CDH12: variants seen among roughly 807,000 people sequenced by gnomAD.
The protein encoded by CDH12 is cadherin-12.
In CDH12, 41 loss-of-function variants were observed where a neutral mutation model predicts 74.1. The ratio of observed to expected loss-of-function variants is 0.55; its 90% confidence interval spans 0.43 to 0.72. The LOEUF (loss-of-function observed/expected upper bound fraction) is 0.72, where lower values mean the gene tolerates loss of function less well. CDH12 is among the 30% of genes least tolerant of loss of function. The pLI, the probability that CDH12 is intolerant of heterozygous loss-of-function variation, is 0.00. For missense variants in CDH12, 945 were observed against 977.2 expected, an observed-to-expected ratio of 0.97 and a Z score of 0.44; for synonymous variants, 399 against 355.0, an observed-to-expected ratio of 1.12 and a Z score of -1.39.
chr5:22,377,469 GT>G (rs1312453628), intron 3 of CDH12, among the ~76,000 whole-genome samples: 1 of 152,160 alleles, frequency 6.6e-6, no homozygotes, highest in Non-Finnish European at 1.5e-5. Flanking sequence ...TGAGGGCCAA[GT>G]GTGTCCTCAT....
chr5:22,078,147 T>C (rs1463683531), intron 5 of CDH12, among the ~76,000 whole-genome samples: 2 of 152,190 alleles, frequency 1.3e-5, no homozygotes, highest in Admixed American at 1.3e-4. Context: ...GTTATAATTA[T>C]GCTTAATAAC....
intron 1 of CDH12, among the ~76,000 whole-genome samples, chr5:22,629,419 T>A (rs997317412): frequency 1.3e-5 from 2 of 152,084 alleles, no homozygotes; most frequent in African/African-American, 4.8e-5. Context: ...CCACCTAGAT[T>A]AAGTAGGCTT....
chr5:22,739,552 T>A (rs1206496110), intron 1 of CDH12, among the ~76,000 whole-genome samples: 1 of 152,100 alleles, frequency 6.6e-6, no homozygotes, highest in Non-Finnish European at 1.5e-5. Flanking sequence ...TCTACCTTAT[T>A]GTTGTTTTGT....
In CDH12 at chr5:22,245,578, T is replaced by A. The variant is rs143363523; in HGVS notation, c.-332-32935A>T. ...GTACAAGGACGAGAGTTTAAAAAAA[T>A]TAATACCTTGAATGTAAGAACTACA... On this transcript the variant is annotated intron_variant, in intron 3 of 14. Coordinates refer to ENST00000382254, the MANE Select transcript of CDH12 (RefSeq NM_004061.5). Among the ~76,000 whole-genome samples, 1,287 of 152,074 alleles carry A rather than the reference T, an allele frequency of 8.5e-3. 15 individuals are homozygous for A. Among genetic ancestry groups the A allele is most frequent in the African/African-American group, 0.029 (1,214 of 41,472 alleles).
At chr5:22,778,887 A>C (rs941115489) in intron 1 of CDH12, among the ~76,000 whole-genome samples, 2 of 152,044 alleles carry the variant, frequency 1.3e-5, no homozygotes, top group Non-Finnish European at 2.9e-5. Context: ...TATGTCTTTC[A>C]ACTGTTGAGT....
chr5:21,944,546 A>G (rs1755482417), intron 6 of CDH12, among the ~76,000 whole-genome samples: 1 of 152,172 alleles, frequency 6.6e-6, no homozygotes, highest in African/African-American at 2.4e-5. Flanking sequence ...AATAATTAAT[A>G]TAATGTCTCA....
At chr5:22,498,384 C>G (rs909363428) in intron 2 of CDH12, among the ~76,000 whole-genome samples, 1 of 152,044 alleles carries the variant, frequency 6.6e-6, no homozygotes, top group Non-Finnish European at 1.5e-5. Flanking sequence ...AATTTATCCA[C>G]AACCCAGAGA....
intron 1 of CDH12, among the ~76,000 whole-genome samples, chr5:22,819,988 CATATACATATATATACATATACATAT>C (rs1554005927): frequency 7.7e-5 from 11 of 142,586 alleles, no homozygotes; most frequent in South Asian, 2.2e-4. Context: ...CATATATATA[CATATACATATATATACATATACATAT>C]ATATACATAT....
intron 7 of CDH12, among the ~76,000 whole-genome samples, chr5:21,852,855 C>T (rs1750545213): frequency 1.3e-5 from 2 of 151,346 alleles, no homozygotes; most frequent in African/African-American, 2.4e-5. Flanking sequence ...ACAGCATTGT[C>T]CATACTTCCA....
At chr5:22,788,268 T>C (rs1747739150) in intron 1 of CDH12, among the ~76,000 whole-genome samples, 1 of 152,148 alleles carries the variant, frequency 6.6e-6, no homozygotes, top group African/African-American at 2.4e-5. Flanking sequence ...TGTTACCTTC[T>C]AAGTTTATTT....
intron 5 of CDH12, among the ~76,000 whole-genome samples, chr5:22,020,700 C>A (rs1024674003): frequency 1.3e-5 from 2 of 152,100 alleles, no homozygotes; most frequent in South Asian, 4.1e-4. Context: ...GAAAGAAAAA[C>A]CTCTCTTTCT....
intron 1 of CDH12, among the ~76,000 whole-genome samples, chr5:22,836,223 C>CTTTTTTTTTTTT (rs61616737): frequency 0.35 from 22,856 of 65,144 alleles, 7,209 homozygotes; most frequent in South Asian, 0.4. Flanking sequence ...CTTTCTTTCT[C>CTTTTTTTTTTTT]TTTTTTTTTT....
chr5:22,722,981 G>A (rs1743976067), intron 1 of CDH12, among the ~76,000 whole-genome samples: 3 of 152,056 alleles, frequency 2.0e-5, no homozygotes, highest in Non-Finnish European at 4.4e-5. Context: ...TTTCACTGGA[G>A]GCATTCCTTT....
Position 21,913,010 on chromosome 5 carries a change from T to A in CDH12, c.527-58220A>T, listed in dbSNP as rs562813290. 3.9e-5 allele frequency among the ~76,000 whole-genome samples: 6 copies of A among 152,166 alleles called. No individual in the cohort carries two copies. The South Asian group carries it at 1.2e-3, about 32-fold the overall frequency. On this transcript the variant is annotated intron_variant, in intron 6 of 14. Coordinates refer to ENST00000382254, the MANE Select transcript of CDH12 (RefSeq NM_004061.5). Reference sequence around the variant, plus strand: ...GGCGTGTGCCACAACACTGGGCTAATTTTTGTATTTTTAGTAGATATGGGA... The same window carrying A: ...GGCGTGTGCCACAACACTGGGCTAAATTTTGTATTTTTAGTAGATATGGGA...
intron 1 of CDH12, among the ~76,000 whole-genome samples, chr5:22,649,291 C>A (rs1337013145): frequency 6.6e-6 from 1 of 152,000 alleles, no homozygotes; most frequent in East Asian, 1.9e-4. Flanking sequence ...CCTTACTTTT[C>A]CTTTTGTGAA....
intron 4 of CDH12, among the ~76,000 whole-genome samples, chr5:22,180,496 TTG>T (rs2150337081): frequency 3.0e-5 from 2 of 66,096 alleles, no homozygotes; most frequent in South Asian, 1.2e-3. Context: ...TGATTTTTTT[TTG>T]TTTATTTTTT....
intron 4 of CDH12, among the ~76,000 whole-genome samples, chr5:22,148,974 T>C (rs1747395105): frequency 6.6e-6 from 1 of 152,014 alleles, no homozygotes; most frequent in Non-Finnish European, 1.5e-5. Flanking sequence ...AAAAATTAGC[T>C]GACCGTGGTA....
At chr5:22,354,434 T>C (rs372643430) in intron 3 of CDH12, among the ~76,000 whole-genome samples, 3 of 152,152 alleles carry the variant, frequency 2.0e-5, no homozygotes, top group East Asian at 3.9e-4. Context: ...TACATCTACA[T>C]GTTTGAACAC....
At chr5:22,194,308 C>CTTTTTTTTTTTTTTTTTTTTTTTTTTTTT (rs59899245) in intron 4 of CDH12, among the ~76,000 whole-genome samples, 1 of 139,868 alleles carries the variant, frequency 7.1e-6, no homozygotes, top group African/African-American at 2.6e-5. Context: ...CTTTTTCTTT[C>CTTTTTTTTTTTTTTTTTTTTTTTTTTTTT]TTTTTTTTTT....
Sources: gnomAD v4.1 joint callset for allele counts (sites outside exome capture counted in the v4.1 genomes callset) on GRCh38, gnomAD v4.1.1 for gene constraint, MANE v1.5 for transcripts, NCBI Gene and HGNC (gene_info 2026-07-23, HGNC 2026-07-21) for gene names.